DOK6: variants seen among roughly 807,000 people sequenced by gnomAD.
DOK6 encodes downstream of tyrosine kinase 6.
A neutral mutation model predicts 44.0 loss-of-function variants in DOK6; 22 were observed. The ratio of observed to expected loss-of-function variants is 0.50; its 90% confidence interval spans 0.36 to 0.71. The LOEUF (loss-of-function observed/expected upper bound fraction) is 0.71. Among genes scored for constraint, DOK6 ranks in the 30% least tolerant of loss-of-function variants. The pLI, the probability that DOK6 is intolerant of heterozygous loss-of-function variation, is 0.00. For synonymous variants in DOK6, 166 were observed against 145.5 expected, an observed-to-expected ratio of 1.14 and a Z score of -1.01; for missense variants, 340 against 416.4, an observed-to-expected ratio of 0.82 and a Z score of 1.60.
At chr18:69,408,027 C>T (rs539867196) in intron 1 of DOK6, among the ~76,000 whole-genome samples, 1 of 152,198 alleles carries the variant, frequency 6.6e-6, no homozygotes, top group Admixed American at 6.5e-5. Context: ...TTTTTAACCC[C>T]CATTCTGTAC....
chr18:69,484,539 A>G (rs1286846848), intron 1 of DOK6, among the ~76,000 whole-genome samples: 2 of 152,188 alleles, frequency 1.3e-5, no homozygotes, highest in East Asian at 3.9e-4. Flanking sequence ...GTCATCAAGT[A>G]ATACTGAACC....
At chr18:69,580,698 G>C (rs1479822534) in intron 2 of DOK6, among the ~76,000 whole-genome samples, 6 of 151,986 alleles carry the variant, frequency 3.9e-5, no homozygotes, top group Admixed American at 1.3e-4. Context: ...TTAATCATCT[G>C]TCCTTCTAGC....
At position 69,809,565 on chromosome 18, in the gene DOK6, G is replaced by GACACACACACACAC. The variant is rs57753226; in HGVS notation, c.857-31661_857-31648dup. On this transcript the variant is annotated intron_variant, in intron 7 of 7. Transcript: ENST00000382713. Reference sequence around the variant, plus strand: ...AAAACCCTAAGACTTCACACACACAGACACACACACACACACACACACACA... The same window carrying GACACACACACACAC: ...AAAACCCTAAGACTTCACACACACAGACACACACACACACACACACACACACACACACACACACA... Among the ~76,000 whole-genome samples the GACACACACACACAC allele has an allele frequency of 8.4e-3, 1,229 of 146,202 alleles. 3 individuals carry two copies. Among genetic ancestry groups the GACACACACACACAC allele is most frequent in the South Asian group, 0.023 (106 of 4,622 alleles).
chr18:69,585,291 G>A (rs1983472871), intron 2 of DOK6, among the ~76,000 whole-genome samples: 1 of 151,412 alleles, frequency 6.6e-6, no homozygotes, highest in South Asian at 2.1e-4. Flanking sequence ...TTTTATATAT[G>A]TAGAATATTT....
intron 1 of DOK6, among the ~76,000 whole-genome samples, chr18:69,468,746 T>G (rs2034021): frequency 0.49 from 68,717 of 140,150 alleles, 16,496 homozygotes; most frequent in East Asian, 0.82. Context: ...ATTTCAAACT[T>G]AGATTAGGTG....
intron 1 of DOK6, among the ~76,000 whole-genome samples, chr18:69,505,624 A>G (rs1311780173): frequency 1.3e-5 from 2 of 149,750 alleles, no homozygotes; most frequent in East Asian, 2.0e-4. Flanking sequence ...CAGCCTCCTG[A>G]GTAGCTGGGA....
At chr18:69,495,864 G>T (rs765040369) in intron 1 of DOK6, among the ~76,000 whole-genome samples, 1 of 152,228 alleles carries the variant, frequency 6.6e-6, no homozygotes, top group African/African-American at 2.4e-5. Context: ...AGGGGCTGGT[G>T]TGTCAGCACT....
intron 2 of DOK6, among the ~76,000 whole-genome samples, chr18:69,577,122 A>T (rs1232151015): frequency 6.6e-6 from 1 of 152,164 alleles, no homozygotes; most frequent in African/African-American, 2.4e-5. Context: ...TAAAGCAAAC[A>T]TCTCAGAAAG....
chr18:69,563,253 G>A lies in DOK6; in HGVS notation c.67-1234G>A, dbSNP rs1236357960. Among the ~76,000 whole-genome samples the A allele has an allele frequency of 3.9e-5, 6 of 152,292 alleles. No individual in the cohort carries two copies. The East Asian group carries it at 1.2e-3, about 29-fold the overall frequency. On this transcript the variant is annotated intron_variant, in intron 1 of 7. Transcript: ENST00000382713. ...TGGAAGTCAGTGTGGCGATTCCTCA[G>A]GGATCTAGAACTAGAACTGCCATTT...
intron 1 of DOK6, among the ~76,000 whole-genome samples, chr18:69,516,360 T>G (rs1270576324): frequency 6.6e-6 from 1 of 152,158 alleles, no homozygotes; most frequent in Non-Finnish European, 1.5e-5. Flanking sequence ...GATTATATAA[T>G]GAGAGAACAA....
intron 1 of DOK6, among the ~76,000 whole-genome samples, chr18:69,555,723 A>G (rs1982671010): frequency 1.3e-5 from 2 of 152,230 alleles, no homozygotes; most frequent in South Asian, 4.1e-4. Context: ...AACCAAATAT[A>G]TAATCAGTTT....
At chr18:69,499,081 A>C (rs1290713723) in intron 1 of DOK6, among the ~76,000 whole-genome samples, 2 of 152,140 alleles carry the variant, frequency 1.3e-5, no homozygotes, top group Non-Finnish European at 2.9e-5. Context: ...TACATTTCGC[A>C]ATGGTATATG....
chr18:69,758,351 T>C (rs762760209), intron 7 of DOK6, among the ~76,000 whole-genome samples: 26 of 152,146 alleles, frequency 1.7e-4, no homozygotes, highest in Non-Finnish European at 2.9e-4. Context: ...ACAGAAACCA[T>C]TCGGAAAGGG....
intron 4 of DOK6, among the ~76,000 whole-genome samples, chr18:69,684,442 G>A (rs1352892706): frequency 6.6e-6 from 1 of 152,094 alleles, no homozygotes; most frequent in Non-Finnish European, 1.5e-5. Context: ...CTTTTGCCCT[G>A]GGAACATGCC....
chr18:69,626,286 G>A (rs975755600), intron 3 of DOK6, among the ~76,000 whole-genome samples: 1 of 152,160 alleles, frequency 6.6e-6, no homozygotes. Flanking sequence ...CAAAAGCTAA[G>A]CCAGAGTTGT....
At chr18:69,555,174 C>A (rs1180984233) in intron 1 of DOK6, among the ~76,000 whole-genome samples, 1 of 152,090 alleles carries the variant, frequency 6.6e-6, no homozygotes, top group East Asian at 1.9e-4. Flanking sequence ...TTTTTCTCTA[C>A]TTTGAAATCA....
chr18:69,573,805 A>T (rs1009808967), intron 2 of DOK6, among the ~76,000 whole-genome samples: 1 of 151,884 alleles, frequency 6.6e-6, no homozygotes, highest in African/African-American at 2.4e-5. Context: ...CTTAGGACGT[A>T]CATCTGGTTT....
chr18:69,829,395 A>G (rs1981840154), intron 7 of DOK6, among the ~76,000 whole-genome samples: 1 of 152,072 alleles, frequency 6.6e-6, no homozygotes, highest in Non-Finnish European at 1.5e-5. Flanking sequence ...AACTCATTTA[A>G]TACATGATTC....
intron 7 of DOK6, among the ~76,000 whole-genome samples, chr18:69,761,466 G>A (rs1979551350): frequency 6.6e-6 from 1 of 152,186 alleles, no homozygotes; most frequent in Non-Finnish European, 1.5e-5. Context: ...GCTACCTGCT[G>A]TAACATTTCT....
Sources: allele counts gnomAD v4.1 joint callset (sites outside exome capture counted in the v4.1 genomes callset), GRCh38; gene constraint gnomAD v4.1.1; transcripts MANE v1.5; gene names NCBI Gene and HGNC (gene_info 2026-07-23, HGNC 2026-07-21).